CBFA2T3: variants seen among roughly 807,000 people sequenced by gnomAD.
CBFA2T3 encodes the protein transcriptional corepressor CBFA2T3.
A neutral mutation model predicts 58.6 loss-of-function variants in CBFA2T3; 31 were observed. The ratio of observed to expected loss-of-function variants is 0.53; its 90% confidence interval spans 0.40 to 0.71. The LOEUF is 0.71. Among genes scored for constraint, CBFA2T3 ranks in the 30% least tolerant of loss-of-function variants. The pLI is 0.00. For missense variants in CBFA2T3, 1,076 were observed against 963.1 expected, an observed-to-expected ratio of 1.12 and a Z score of -1.55; for synonymous variants, 531 against 421.9, an observed-to-expected ratio of 1.26 and a Z score of -3.17.
chr16:88,925,314 C>T (rs1971052032), intron 1 of CBFA2T3, among the ~76,000 whole-genome samples: 1 of 152,204 alleles, frequency 6.6e-6, no homozygotes, highest in South Asian at 2.1e-4. Context: ...AAGGGGCCTG[C>T]TCTGCTGCTC....
intron 11 of CBFA2T3, among the ~76,000 whole-genome samples, chr16:88,878,533 G>A (rs898704079): frequency 2.2e-4 from 33 of 152,248 alleles, no homozygotes; most frequent in African/African-American, 7.5e-4. Flanking sequence ...CCAGGTGCAC[G>A]GGCACAAGCA....
Position 88,885,356 on chromosome 16 carries a change from A to G in CBFA2T3, c.894-87T>C. ...CAGGTGGGGTGAGAGGCAGACAGGC[A>G]AGGGCAGAGAGAAAGAGGACACGTA... On this transcript the variant is annotated intron_variant, in intron 6 of 11. Transcript: ENST00000268679. This position sits in a 1 kb window ranked among gnomAD's most constrained non-coding sequence, Gnocchi z 5.3. 1.1e-6 allele frequency: 1 copy of G among 886,150 alleles called. No homozygotes were observed. The highest frequency in any genetic ancestry group is 2.9e-5 in the East Asian group (1 of 33,972). The allele number at this position is 886,150 out of a possible 1,614,324, so 54.9% of individuals were successfully genotyped here.
rs552250976 is a variant in CBFA2T3, at chr16:88,900,405, C to T, written c.304+1099G>A. Among the ~76,000 whole-genome samples the T allele has an allele frequency of 4.6e-5, 7 of 152,380 alleles. No individual in the cohort carries two copies. The South Asian group carries it at 8.3e-4, about 18-fold the overall frequency. ...GAGGGGAGATGATGGCCAAAGCCCT[C>T]GGCGGAGCAGGCCCCCAGCCTCAGC... On this transcript the variant is annotated intron_variant, in intron 2 of 11. Coordinates refer to ENST00000268679, the MANE Select transcript of CBFA2T3 (RefSeq NM_005187.6).
At chr16:88,934,889 G>A (rs964157834) in intron 1 of CBFA2T3, among the ~76,000 whole-genome samples, 10 of 152,174 alleles carry the variant, frequency 6.6e-5, no homozygotes, top group South Asian at 2.1e-4. Flanking sequence ...ACAGGCGCCC[G>A]CCACCACGCC....
At chr16:88,973,970 T>G (rs1341564438) in intron 1 of CBFA2T3, among the ~76,000 whole-genome samples, 2 of 151,960 alleles carry the variant, frequency 1.3e-5, no homozygotes, top group African/African-American at 4.8e-5. Context: ...CCACTGATAG[T>G]GCTCACCACC....
chr16:88,881,856 T>G, intron 8 of CBFA2T3, among the ~76,000 whole-genome samples: 1 of 151,756 alleles, frequency 6.6e-6, no homozygotes, highest in Admixed American at 6.6e-5. Flanking sequence ...CTGGGAGGGG[T>G]GCTGGCCCCA....
At chr16:88,894,104 G>C (rs111902896) in intron 3 of CBFA2T3, among the ~76,000 whole-genome samples, 1 of 152,124 alleles carries the variant, frequency 6.6e-6, no homozygotes, top group Admixed American at 6.5e-5. Flanking sequence ...CCCTCAGAGC[G>C]AGCCCTCCAT....
Position 88,932,791 on chromosome 16 carries a change from C to CAAAAAAA in CBFA2T3, c.152-31142_152-31136dup, listed in dbSNP as rs576934029. ...GGCAAACCCGTCTCTACTAAAAATA[C>CAAAAAAA]AAAAAAAAAAAAAAAAAAAAAAAAA... On this transcript the variant is annotated intron_variant, in intron 1 of 11. Coordinates refer to ENST00000268679, the MANE Select transcript of CBFA2T3 (RefSeq NM_005187.6). 8.0e-3 allele frequency among the ~76,000 whole-genome samples: 223 copies of CAAAAAAA among 27,876 alleles called. 4 individuals carry two copies. The highest frequency in any genetic ancestry group is 0.01 in the Non-Finnish European group (164 of 15,632). 18.3% of individuals were successfully genotyped at this position (27,876 alleles called of 152,430 possible). A position where few individuals can be genotyped will look rare whatever the true frequency, so the allele number is the denominator to read the frequency against.
At chr16:88,898,283 C>G (rs535404610) in intron 2 of CBFA2T3, 131 bp from the exon 3 acceptor site, 2 of 684,630 alleles carry the variant, frequency 2.9e-6, no homozygotes. Flanking sequence ...CAGGAGACTG[C>G]CCTCAGGGGC....
At chr16:88,905,101 C>A (rs928156402) in intron 1 of CBFA2T3, among the ~76,000 whole-genome samples, 1 of 151,996 alleles carries the variant, frequency 6.6e-6, no homozygotes, top group African/African-American at 2.4e-5. Flanking sequence ...TAGGAGTTGG[C>A]CAGGACCTGT....
chr16:88,914,201 C>T (rs1279950252), intron 1 of CBFA2T3, among the ~76,000 whole-genome samples: 2 of 152,212 alleles, frequency 1.3e-5, no homozygotes, highest in Non-Finnish European at 2.9e-5. Flanking sequence ...TGCGAGAGTC[C>T]GTTTCTAGAA....
At chr16:88,936,488 G>A (rs111878627) in intron 1 of CBFA2T3, among the ~76,000 whole-genome samples, 3 of 151,856 alleles carry the variant, frequency 2.0e-5, no homozygotes, top group Admixed American at 6.6e-5. Flanking sequence ...TATCCACCAC[G>A]ACCCCAGCCT....
chr16:88,878,201 G>C (rs950457888), intron 11 of CBFA2T3, among the ~76,000 whole-genome samples: 2 of 152,204 alleles, frequency 1.3e-5, no homozygotes, highest in Non-Finnish European at 2.9e-5. Flanking sequence ...TCCACCTCCC[G>C]AAACTGCACG....
intron 1 of CBFA2T3, among the ~76,000 whole-genome samples, chr16:88,921,840 G>C (rs1010173370): frequency 6.6e-6 from 1 of 152,228 alleles, no homozygotes; most frequent in Non-Finnish European, 1.5e-5. Context: ...CATAGCCTTC[G>C]TGGTAATGAC....
At chr16:88,942,215 T>C (rs1401010105) in intron 1 of CBFA2T3, among the ~76,000 whole-genome samples, 6 of 152,162 alleles carry the variant, frequency 3.9e-5, no homozygotes, top group Non-Finnish European at 7.4e-5. Flanking sequence ...CTAAAGTACT[T>C]TGTGGCGTGT....
intron 1 of CBFA2T3, among the ~76,000 whole-genome samples, chr16:88,931,663 A>G (rs3826079): frequency 0.28 from 35,218 of 125,508 alleles, 6,486 homozygotes; most frequent in Middle Eastern, 0.45. Context: ...GGCTGGCCCC[A>G]TGGTGCAGAG....
At chr16:88,925,316 C>T (rs1360177010) in intron 1 of CBFA2T3, among the ~76,000 whole-genome samples, 2 of 152,226 alleles carry the variant, frequency 1.3e-5, no homozygotes, top group African/African-American at 4.8e-5. Context: ...GGGGCCTGCT[C>T]TGCTGCTCCC....
In CBFA2T3 at chr16:88,885,297, G is replaced by A. The variant is rs1254924217; in HGVS notation, c.894-28C>T. On this transcript the variant is annotated intron_variant, in intron 6 of 11. Coordinates refer to ENST00000268679, the MANE Select transcript of CBFA2T3 (RefSeq NM_005187.6). This position sits in a 1 kb window ranked among gnomAD's most constrained non-coding sequence, Gnocchi z 5.3. ...AGCCCCAAGAGCAGGTGGGGCGAGGGCAGTGGACATAGGATGAACCGGGGA... is the reference window on the plus strand; with the variant it reads ...AGCCCCAAGAGCAGGTGGGGCGAGGACAGTGGACATAGGATGAACCGGGGA... 4.1e-6 allele frequency: 6 copies of A among 1,474,062 alleles called. No homozygotes were observed. Among genetic ancestry groups the A allele is most frequent in the Non-Finnish European group, 5.5e-6 (6 of 1,098,016 alleles). The allele number at this position is 1,474,062 out of a possible 1,614,324, so 91.3% of individuals were successfully genotyped here.
Position 88,882,745 on chromosome 16 carries a change from C to T in CBFA2T3, c.1134G>A (p.Arg378=). 1.3e-6 allele frequency: 2 copies of T among 1,581,684 alleles called. No individual in the cohort carries two copies. Among genetic ancestry groups the T allele is most frequent in the Non-Finnish European group, 1.7e-6 (2 of 1,163,748 alleles). ...RHRPLVVPGS[R]QEEVIDHKLT... ...GCTTGTGGTCGATCACTTCTTCCTG[C>T]CGGGACCCAGGCACCACTGTGGATG... The change falls in exon 8 of 12, where the codon CGG becomes CGA. Residue 378 remains arginine, a synonymous_variant. Transcript: ENST00000268679.
Sources: gnomAD v4.1 joint callset for allele counts (sites outside exome capture counted in the v4.1 genomes callset) on GRCh38, gnomAD v4.1.1 for gene constraint, Gnocchi (gnomAD v3.1) non-coding constraint, MANE v1.5 for transcripts, NCBI Gene and HGNC (gene_info 2026-07-23, HGNC 2026-07-21) for gene names.